OTC: variants seen among roughly 807,000 people sequenced by gnomAD.
OTC encodes the protein ornithine transcarbamylase, also known as ornithine transcarbamylase, mitochondrial.
OTC carries 3 observed loss-of-function variants against 30.3 expected under a neutral mutation model. The ratio of observed to expected loss-of-function variants is 0.10; its 90% CI spans 0.05 to 0.26. The LOEUF (loss-of-function observed/expected upper bound fraction) is 0.26, where lower values mean the gene tolerates loss of function less well. Ranked by LOEUF, OTC falls within the 10% of genes least tolerant of loss-of-function variation. OTC has a pLI of 1.00. For synonymous variants in OTC, 111 were observed against 99.7 expected, an observed-to-expected ratio of 1.11 and a Z score of -0.67; for missense variants, 194 against 260.3, an observed-to-expected ratio of 0.75 and a Z score of 1.75.
intron 1 of OTC, among the ~76,000 whole-genome samples, chrX:38,356,671 G>C (rs1157768961): frequency 9.0e-6 from 1 of 110,778 alleles, no homozygotes; most frequent in African/African-American, 3.3e-5. Context: ...TCAGTCAGGG[G>C]AGTGTGGGGA....
At chrX:38,402,601 T>C (rs1201096954) in intron 5 of OTC, among the ~76,000 whole-genome samples, 2 of 111,855 alleles carry the variant, frequency 1.8e-5, no homozygotes, top group Admixed American at 1.9e-4. Context: ...AACATTCATG[T>C]GTTCACACAG....
rs1266622793 is a variant in OTC, at chrX:38,389,703, A to G, written c.386+8274A>G. ...TGATATATTCTCTTAGAGGCAGTGT[A>G]CCAGAGCGTCAAGGACAGGGGCTTC... is the stretch of plus-strand genomic sequence containing the variant. On this transcript the variant is annotated intron_variant, in intron 4 of 9. Transcript: ENST00000039007. Among the ~76,000 whole-genome samples, 3 of 111,456 alleles carry G rather than the reference A, an allele frequency of 2.7e-5. No individual in the cohort carries two copies. The Admixed American group carries it at 2.9e-4, about 11-fold the overall frequency.
intron 4 of OTC, among the ~76,000 whole-genome samples, chrX:38,397,686 C>A (rs898459017): frequency 5.4e-5 from 6 of 111,670 alleles, no homozygotes; most frequent in Admixed American, 3.8e-4. Context: ...GAGATTTCAG[C>A]AATTACTAAG....
intron 4 of OTC, among the ~76,000 whole-genome samples, chrX:38,389,401 A>AT (rs1181795171): frequency 1.3e-3 from 43 of 33,027 alleles, no homozygotes; most frequent in African/African-American, 5.5e-3. Context: ...AGGAATATTT[A>AT]TAAAAAAAAA....
upstream of OTC, among the ~76,000 whole-genome samples, chrX:38,349,925 T>A (rs1358034471): frequency 8.9e-6 from 1 of 111,848 alleles, no homozygotes; most frequent in African/African-American, 3.3e-5. Context: ...TTTCCAGTTA[T>A]ATATCATTTG....
At chrX:38,359,036 C>T (rs1469822066) in intron 1 of OTC, among the ~76,000 whole-genome samples, 1 of 112,082 alleles carries the variant, frequency 8.9e-6, no homozygotes, top group African/African-American at 3.2e-5. Flanking sequence ...AGAACCCTGA[C>T]AACTTATTCT....
chrX:38,419,004 T>A (rs2068582737), intron 9 of OTC, among the ~76,000 whole-genome samples: 1 of 111,982 alleles, frequency 8.9e-6, no homozygotes, highest in African/African-American at 3.3e-5. Flanking sequence ...CATTTTGAGT[T>A]GATTTTTATA....
intron 1 of OTC, among the ~76,000 whole-genome samples, chrX:38,362,870 T>C (rs766439138): frequency 8.9e-6 from 1 of 111,948 alleles, no homozygotes; most frequent in South Asian, 3.7e-4. Context: ...TTTATGGAAA[T>C]TGGGGAGAAA....
At chrX:38,420,254 T>C (rs2068588647) in intron 9 of OTC, among the ~76,000 whole-genome samples, 2 of 111,348 alleles carry the variant, frequency 1.8e-5, no homozygotes, top group Non-Finnish European at 3.8e-5. Flanking sequence ...TAAATGATAA[T>C]AATAAAAGCT....
At chrX:38,391,536 A>T (rs2068428903) in intron 4 of OTC, among the ~76,000 whole-genome samples, 1 of 111,654 alleles carries the variant, frequency 9.0e-6, no homozygotes, top group African/African-American at 3.3e-5. Flanking sequence ...TCTTGCTATG[A>T]TTCTTCTCAT....
chrX:38,334,991 G>T, the OTC span, among the ~76,000 whole-genome samples: 1 of 111,954 alleles, frequency 8.9e-6, no homozygotes, highest in African/African-American at 3.2e-5. Flanking sequence ...TCTAACTAAT[G>T]CTTGATGATC....
intron 9 of OTC, among the ~76,000 whole-genome samples, chrX:38,414,655 G>T (rs1410667915): frequency 8.9e-6 from 1 of 111,843 alleles, no homozygotes; most frequent in Non-Finnish European, 1.9e-5. Context: ...GAGCCATAGA[G>T]ATGGCAAATG....
At position 38,369,797 on chromosome X, in the gene OTC, A is replaced by G; in HGVS notation, c.218A>G (p.Tyr73Cys). Residue 73 changes from tyrosine to cysteine, a missense_variant and splice_region_variant, in exon 3 of 10, where the codon TAT becomes TGT. Physicochemically the swap from Tyr to Cys is radical, Grantham distance 194. Coordinates refer to ENST00000039007, the MANE Select transcript of OTC (RefSeq NM_000531.6). ...TCTATTCTTGTCCTTGATTTATAGT[A>G]TTTGCCTTTATTGCAAGGGAAGTCC... ...LKFRIKQKGE[Y>C]LPLLQGKSLG... The G allele has an allele frequency of 3.5e-6, 4 of 1,133,465 alleles. No individual in the cohort carries two copies. The highest frequency in any genetic ancestry group is 4.8e-6 in the Non-Finnish European group (4 of 824,997). The allele number at this position is 1,133,465 out of a possible 1,213,427, so 93.4% of individuals were successfully genotyped here. A position where few individuals can be genotyped will look rare whatever the true frequency, so the allele number is the denominator to read the frequency against.
chrX:38,392,360 T>C (rs749188558), intron 4 of OTC, among the ~76,000 whole-genome samples: 1 of 111,540 alleles, frequency 9.0e-6, no homozygotes, highest in Non-Finnish European at 1.9e-5. Context: ...CCAGAGAGTA[T>C]TTTTTTAACT....
At chrX:38,378,384 A>G (rs1290591298) in intron 3 of OTC, among the ~76,000 whole-genome samples, 1 of 107,267 alleles carries the variant, frequency 9.3e-6, no homozygotes, top group Non-Finnish European at 1.9e-5. Flanking sequence ...AACATACAAT[A>G]TATTTAATTT....
intron 6 of OTC, among the ~76,000 whole-genome samples, chrX:38,404,223 A>G (rs766398955): frequency 8.9e-6 from 1 of 112,117 alleles, no homozygotes; most frequent in Non-Finnish European, 1.9e-5. Flanking sequence ...AACTCTGGGG[A>G]CCTTTTGGCT....
At chrX:38,401,956 C>A (rs1406573324) in intron 5 of OTC, among the ~76,000 whole-genome samples, 2 of 111,687 alleles carry the variant, frequency 1.8e-5, no homozygotes, top group Non-Finnish European at 3.8e-5. Flanking sequence ...CATTCTAGTC[C>A]TCCCAAATTA....
chrX:38,422,702 G>A (rs775409702), downstream of OTC, among the ~76,000 whole-genome samples: 11 of 111,742 alleles, frequency 9.8e-5, no homozygotes, highest in Non-Finnish European at 1.7e-4. Flanking sequence ...AATTCTGTAG[G>A]AATGTATTTG....
At chrX:38,386,388 T>A (rs867724380) in intron 4 of OTC, among the ~76,000 whole-genome samples, 4,145 of 81,943 alleles carry the variant, frequency 0.051, 111 homozygotes, top group Non-Finnish European at 0.07. Flanking sequence ...AAAAAAAAAA[T>A]ATATATATAT....
Sources: allele counts gnomAD v4.1 joint callset (sites outside exome capture counted in the v4.1 genomes callset), GRCh38; gene constraint gnomAD v4.1.1; transcripts MANE v1.5; gene names NCBI Gene and HGNC (gene_info 2026-07-23, HGNC 2026-07-21).